Variants in TLE4 observed in about 807,000 individuals in gnomAD.
TLE4 encodes the protein transducin-like enhancer protein 4.
Under a neutral mutation model 92.8 loss-of-function variants are expected in TLE4, and 8 were observed. The ratio of observed to expected loss-of-function variants is 0.09; its 90% CI spans 0.05 to 0.16. The LOEUF (loss-of-function observed/expected upper bound fraction) is 0.16, where lower values mean the gene tolerates loss of function less well. Among genes scored for constraint, TLE4 ranks in the 10% least tolerant of loss-of-function variants. The probability of loss-of-function intolerance (pLI) is 1.00; values close to 1 mark genes in which losing one functional copy is unlikely to be tolerated. For missense variants in TLE4, 675 were observed against 997.6 expected, an observed-to-expected ratio of 0.68 and a Z score of 4.36; for synonymous variants, 371 against 374.1, an observed-to-expected ratio of 0.99 and a Z score of 0.10.
intron 6 of TLE4, among the ~76,000 whole-genome samples, chr9:79,638,011 A>C (rs2056332024): frequency 6.6e-6 from 1 of 152,192 alleles, no homozygotes; most frequent in Non-Finnish European, 1.5e-5. Context: ...GTGCATGTAG[A>C]CAAAAAATAT....
intron 4 of TLE4, among the ~76,000 whole-genome samples, chr9:79,599,895 A>G (rs2045159056): frequency 6.6e-6 from 1 of 152,228 alleles, no homozygotes; most frequent in South Asian, 2.1e-4. Context: ...AGCACTTCTC[A>G]GTATCTGAAA....
At position 79,649,725 on chromosome 9, in the gene TLE4, C is replaced by T. The variant is rs1025040308; in HGVS notation, c.391-2868C>T. On this transcript the variant is annotated intron_variant, in intron 6 of 19. Coordinates refer to ENST00000376552, the MANE Select transcript of TLE4 (RefSeq NM_007005.6). ...AAAACCAAACAAGGACCTCAGGAAG[C>T]CTTACTGTGAATGTCATGTATAACT... 1.4e-5 allele frequency: 15 copies of T among 1,055,404 alleles called. No individual in the cohort carries two copies. In the African/African-American group the frequency reaches 1.8e-4, roughly 13 times the overall value. 65.4% of individuals were successfully genotyped at this position (1,055,404 alleles called of 1,614,324 possible).
At chr9:79,683,804 C>T (rs755221702) in intron 8 of TLE4, among the ~76,000 whole-genome samples, 7 of 152,194 alleles carry the variant, frequency 4.6e-5, no homozygotes, top group African/African-American at 7.2e-5. Context: ...CCTAATCTCA[C>T]AGGAGTTCTG....
rs191204161 is a variant in TLE4, at chr9:79,671,228, T to C, written c.609+17153T>C. On this transcript the variant is annotated intron_variant, in intron 8 of 19. Transcript: ENST00000376552. ...TTACAGCAAAACTACTTGCTGCTCA[T>C]AATGGATGAAATTGGAGACCAAAGA... 17 of 456,486 alleles carry C rather than the reference T, an allele frequency of 3.7e-5. 1 individual carries two copies. The highest frequency in any genetic ancestry group is 1.9e-4 in the Admixed American group (8 of 42,578). The allele number at this position is 456,486 out of a possible 1,614,324, so 28.3% of individuals were successfully genotyped here. A position where few individuals can be genotyped will look rare whatever the true frequency, so the allele number is the denominator to read the frequency against.
intron 8 of TLE4, among the ~76,000 whole-genome samples, chr9:79,681,607 A>G (rs2064607862): frequency 6.6e-6 from 1 of 152,176 alleles, no homozygotes. Context: ...TAGACATTCT[A>G]AGTCCTTATT....
At chr9:79,629,044 G>T (rs2053493615) in intron 6 of TLE4, among the ~76,000 whole-genome samples, 1 of 152,062 alleles carries the variant, frequency 6.6e-6, no homozygotes, top group African/African-American at 2.4e-5. Flanking sequence ...TGTCTCTACT[G>T]TTTACCATGG....
At chr9:79,613,472 C>G (rs577045968) in intron 5 of TLE4, among the ~76,000 whole-genome samples, 1 of 152,072 alleles carries the variant, frequency 6.6e-6, no homozygotes, top group South Asian at 2.1e-4. Context: ...TTGGTAGTTA[C>G]AAAGTTGAAG....
chr9:79,675,324 A>G (rs1389045023), intron 8 of TLE4, among the ~76,000 whole-genome samples: 2 of 152,150 alleles, frequency 1.3e-5, no homozygotes, highest in Non-Finnish European at 2.9e-5. Context: ...AGAAAAGGAC[A>G]TCTTAGTACC....
chr9:79,695,069 A>G (rs906719509), intron 8 of TLE4, among the ~76,000 whole-genome samples: 1 of 152,192 alleles, frequency 6.6e-6, no homozygotes, highest in Non-Finnish European at 1.5e-5. Context: ...TTTCCCTCTT[A>G]TAGGAAAGAT....
At chr9:79,674,350 C>T (rs1047540429) in intron 8 of TLE4, among the ~76,000 whole-genome samples, 16 of 152,148 alleles carry the variant, frequency 1.1e-4, no homozygotes, top group Admixed American at 1.0e-3. Context: ...AGTAAGTTGC[C>T]TCTGGTTCAC....
At chr9:79,695,797 A>G (rs1037271934) in intron 8 of TLE4, among the ~76,000 whole-genome samples, 1 of 152,214 alleles carries the variant, frequency 6.6e-6, no homozygotes, top group Non-Finnish European at 1.5e-5. Context: ...ATAAAAGATG[A>G]AAAGATGCTA....
intron 14 of TLE4, among the ~76,000 whole-genome samples, chr9:79,717,095 A>G (rs2074646023): frequency 6.6e-6 from 1 of 152,112 alleles, no homozygotes; most frequent in African/African-American, 2.4e-5. Context: ...TCACTGCATA[A>G]TCTGCTCTGG....
At chr9:79,574,798 T>C in intron 2 of TLE4, 75 bp from the exon 3 acceptor site, 1 of 1,261,510 alleles carries the variant, frequency 7.9e-7, no homozygotes, top group East Asian at 2.4e-5. Flanking sequence ...GTAGGTGAGA[T>C]TTAGAATATG....
chr9:79,703,052 A>T (rs1171342720), intron 8 of TLE4, among the ~76,000 whole-genome samples: 8 of 151,890 alleles, frequency 5.3e-5, no homozygotes, highest in Admixed American at 5.2e-4. Flanking sequence ...ACAGACTAAG[A>T]TAAAGCAAAA....
At chr9:79,664,154 T>C (rs904590538) in intron 8 of TLE4, among the ~76,000 whole-genome samples, 10 of 152,132 alleles carry the variant, frequency 6.6e-5, no homozygotes, top group Non-Finnish European at 1.5e-4. Context: ...TGCCCTAAAG[T>C]GGATAGTGGA....
At chr9:79,609,811 G>GC (rs1331045759) in intron 4 of TLE4, among the ~76,000 whole-genome samples, 1 of 152,040 alleles carries the variant, frequency 6.6e-6, no homozygotes, top group African/African-American at 2.4e-5. Context: ...GAATGTACTT[G>GC]CTCAGGGATG....
intron 8 of TLE4, among the ~76,000 whole-genome samples, chr9:79,680,978 C>T (rs1307208412): frequency 1.3e-5 from 2 of 151,976 alleles, no homozygotes; most frequent in Admixed American, 1.3e-4. Context: ...GGATGAAGCC[C>T]ACTTGATCAT....
intron 5 of TLE4, among the ~76,000 whole-genome samples, chr9:79,618,842 A>C (rs2050273954): frequency 6.6e-6 from 1 of 152,236 alleles, no homozygotes. Flanking sequence ...GGTTTAACAA[A>C]TGAAATAAAG....
chr9:79,598,671 C>T lies in TLE4; in HGVS notation c.253-13985C>T, dbSNP rs1316319502. ...TATAATGCAGTATATGGCAGAGTAGCAGACAATAATCGAAAGTTATGAAAT... is the reference window on the plus strand; with the variant it reads ...TATAATGCAGTATATGGCAGAGTAGTAGACAATAATCGAAAGTTATGAAAT... On this transcript the variant is annotated intron_variant, in intron 4 of 19. Coordinates refer to ENST00000376552, the MANE Select transcript of TLE4 (RefSeq NM_007005.6). Among the ~76,000 whole-genome samples the T allele has an allele frequency of 2.0e-5, 3 of 152,080 alleles. No individual in the cohort carries two copies. In the South Asian group the frequency reaches 6.2e-4, roughly 32 times the overall value.
Sources: allele counts gnomAD v4.1 joint callset (sites outside exome capture counted in the v4.1 genomes callset), GRCh38; gene constraint gnomAD v4.1.1; transcripts MANE v1.5; gene names NCBI Gene and HGNC (gene_info 2026-07-23, HGNC 2026-07-21).